The following KLHL1 variants were observed in gnomAD, a reference collection of about 807,000 sequenced individuals.
KLHL1 encodes the protein kelch-like protein 1.
Under a neutral mutation model 77.7 loss-of-function variants are expected in KLHL1, and 47 were observed. The ratio of observed to expected loss-of-function variants is 0.60; its 90% CI spans 0.48 to 0.77. The LOEUF (loss-of-function observed/expected upper bound fraction) is 0.77, where lower values mean the gene tolerates loss of function less well. KLHL1 is among the 30% of genes least tolerant of loss of function. The pLI is 0.00. For synonymous variants in KLHL1, 360 were observed against 325.2 expected, an observed-to-expected ratio of 1.11 and a Z score of -1.15; for missense variants, 925 against 910.8, an observed-to-expected ratio of 1.02 and a Z score of -0.20.
chr13:69,768,413 T>C (rs905524840), intron 7 of KLHL1, among the ~76,000 whole-genome samples: 1 of 152,028 alleles, frequency 6.6e-6, no homozygotes, highest in African/African-American at 2.4e-5. Context: ...GAGGTATGAG[T>C]GAACAAAGCA....
chr13:70,091,462 A>T (rs1291625058), intron 1 of KLHL1, among the ~76,000 whole-genome samples: 1 of 152,206 alleles, frequency 6.6e-6, no homozygotes, highest in East Asian at 1.9e-4. Flanking sequence ...TCTACCTGGG[A>T]CCGGCCATCT....
intron 7 of KLHL1, among the ~76,000 whole-genome samples, chr13:69,749,430 A>G (rs1025576064): frequency 5.3e-5 from 8 of 151,916 alleles, no homozygotes; most frequent in Non-Finnish European, 1.2e-4. Context: ...TGTTGCCAAA[A>G]TGTACTTTTT....
At chr13:69,808,174 G>A (rs1877698945) in intron 6 of KLHL1, among the ~76,000 whole-genome samples, 1 of 152,116 alleles carries the variant, frequency 6.6e-6, no homozygotes, top group Non-Finnish European at 1.5e-5. Context: ...AGACTCAGCA[G>A]TGGCTCTTCC....
Position 69,781,288 on chromosome 13 carries a change from T to TC in KLHL1, c.1639+15449_1639+15450insG, listed in dbSNP as rs548541054. Among the ~76,000 whole-genome samples the TC allele has an allele frequency of 2.1e-4, 14 of 68,242 alleles. No homozygotes were observed. The South Asian group carries it at 4.5e-3, about 22-fold the overall frequency. 44.8% of individuals were successfully genotyped at this position (68,242 alleles called of 152,430 possible). A position where few individuals can be genotyped will look rare whatever the true frequency, so the allele number is the denominator to read the frequency against. On this transcript the variant is annotated intron_variant, in intron 7 of 10. Coordinates refer to ENST00000377844, the MANE Select transcript of KLHL1 (RefSeq NM_020866.3). Reference sequence around the variant, plus strand: ...TGAGAGACTCCTTTTTTTCTTTCTTTTTTTTTTTTTTTTTTTTGTCAAATA... The same window carrying TC: ...TGAGAGACTCCTTTTTTTCTTTCTTTCTTTTTTTTTTTTTTTTTGTCAAATA...
At chr13:69,719,628 G>T in intron 8 of KLHL1, 47 bp from the exon 9 acceptor site, 1 of 1,455,560 alleles carries the variant, frequency 6.9e-7, no homozygotes, top group South Asian at 1.2e-5. Context: ...TAGTCTGGAT[G>T]ACAAAATATA....
intron 6 of KLHL1, among the ~76,000 whole-genome samples, chr13:69,824,029 C>T (rs181314758): frequency 1.6e-3 from 241 of 151,858 alleles, no homozygotes; most frequent in African/African-American, 5.4e-3. Flanking sequence ...TAATAGTCTA[C>T]GAGAGTATGT....
chr13:70,006,627 A>G (rs1027827063), intron 1 of KLHL1, among the ~76,000 whole-genome samples: 1 of 151,544 alleles, frequency 6.6e-6, no homozygotes, highest in African/African-American at 2.4e-5. Context: ...TTTGTTCATC[A>G]GGTATTTTAT....
intron 6 of KLHL1, among the ~76,000 whole-genome samples, chr13:69,823,056 CAT>C (rs1878401689): frequency 6.6e-6 from 1 of 152,154 alleles, no homozygotes; most frequent in African/African-American, 2.4e-5. Context: ...TCTGTGAAGA[CAT>C]AGAAGCCTCA....
intron 1 of KLHL1, among the ~76,000 whole-genome samples, chr13:70,067,510 TA>T (rs1887037980): frequency 6.6e-6 from 1 of 152,112 alleles, no homozygotes; most frequent in Admixed American, 6.5e-5. Flanking sequence ...GTAAGCATGA[TA>T]CGCAGATGAT....
At chr13:69,775,487 G>A (rs1430834843) in intron 7 of KLHL1, among the ~76,000 whole-genome samples, 3 of 151,868 alleles carry the variant, frequency 2.0e-5, no homozygotes, top group Admixed American at 6.6e-5. Flanking sequence ...TTCTATATAT[G>A]ACAATTGTTT....
rs561689887 is a variant in KLHL1, at chr13:69,826,430, CA to C, written c.1414+12545del. Reference sequence around the variant, plus strand: ...TAAAATTTTGTGTCCACTAAAAACACAAAAAAACCCATAGTGGTGGGCACCT... The same window carrying C: ...TAAAATTTTGTGTCCACTAAAAACACAAAAAACCCATAGTGGTGGGCACCT... On this transcript the variant is annotated intron_variant, in intron 6 of 10. Transcript: ENST00000377844. 4.8e-3 allele frequency among the ~76,000 whole-genome samples: 724 copies of C among 152,044 alleles called. 6 individuals are homozygous for C. The highest frequency in any genetic ancestry group is 0.016 in the African/African-American group (679 of 41,494).
chr13:69,804,818 A>G, intron 6 of KLHL1, among the ~76,000 whole-genome samples: 1 of 152,280 alleles, frequency 6.6e-6, no homozygotes, highest in South Asian at 2.1e-4. Flanking sequence ...TCATTAGGAA[A>G]AAGTTGTTAT....
intron 6 of KLHL1, among the ~76,000 whole-genome samples, chr13:69,829,880 A>T (rs575391471): frequency 4.7e-5 from 7 of 150,210 alleles, no homozygotes; most frequent in Non-Finnish European, 8.8e-5. Flanking sequence ...AGATATAATA[A>T]TATTTAGACA....
chr13:70,084,368 T>C (rs1193646426), intron 1 of KLHL1, among the ~76,000 whole-genome samples: 1 of 152,130 alleles, frequency 6.6e-6, no homozygotes, highest in East Asian at 1.9e-4. Flanking sequence ...TGAATACTTA[T>C]GTCTCCAAGC....
intron 7 of KLHL1, among the ~76,000 whole-genome samples, chr13:69,788,274 A>ATGAT (rs1383109898): frequency 8.1e-4 from 123 of 152,312 alleles, no homozygotes; most frequent in African/African-American, 2.9e-3. Flanking sequence ...ATGTTCATCA[A>ATGAT]TGATAGACTG....
At chr13:69,927,990 A>G (rs1275348557) in intron 4 of KLHL1, among the ~76,000 whole-genome samples, 1 of 152,220 alleles carries the variant, frequency 6.6e-6, no homozygotes, top group Non-Finnish European at 1.5e-5. Flanking sequence ...CTGGACAGAA[A>G]TATAATTAAG....
At chr13:69,712,273 T>G (rs58484758) in intron 9 of KLHL1, among the ~76,000 whole-genome samples, 19,006 of 143,482 alleles carry the variant, frequency 0.13, 1,443 homozygotes, top group African/African-American at 0.22. Context: ...TTTTTTTTTT[T>G]AAGGCGATCT....
At chr13:70,017,310 T>C (rs957290971) in intron 1 of KLHL1, among the ~76,000 whole-genome samples, 7 of 152,224 alleles carry the variant, frequency 4.6e-5, no homozygotes, top group Non-Finnish European at 1.0e-4. Context: ...ACACCCTCTT[T>C]GGGGCTCTAT....
chr13:69,740,530 A>G lies in KLHL1; in HGVS notation c.1666T>C (p.Tyr556His). The change falls in exon 8 of 11, where the codon TAT becomes CAT. Residue 556 changes from tyrosine to histidine, a missense_variant. Physicochemically the swap from Tyr to His is moderately conservative, Grantham distance 83. Coordinates refer to ENST00000377844, the MANE Select transcript of KLHL1 (RefSeq NM_020866.3). ...CAGCCATCATGGCCTCCCACAGCATAAATAGGGCCTTCAAGTACTGTTACA... is the reference window on the plus strand; with the variant it reads ...CAGCCATCATGGCCTCCCACAGCATGAATAGGGCCTTCAAGTACTGTTACA... ...LGVTVLEGPI[Y>H]AVGGHDGWSY... 6.2e-7 allele frequency: 1 copy of G among 1,612,060 alleles called. No individual in the cohort carries two copies. The highest frequency in any genetic ancestry group is 8.5e-7 in the Non-Finnish European group (1 of 1,178,554).
Sources: gnomAD v4.1 joint callset for allele counts (sites outside exome capture counted in the v4.1 genomes callset) on GRCh38, gnomAD v4.1.1 for gene constraint, MANE v1.5 for transcripts, NCBI Gene and HGNC (gene_info 2026-07-23, HGNC 2026-07-21) for gene names.